The following PSMD5 variants were observed in gnomAD, a reference collection of about 807,000 sequenced individuals.
PSMD5 encodes proteasome 26S subunit, non-ATPase 5, also known as 26S proteasome non-ATPase regulatory subunit 5.
PSMD5 carries 40 observed loss-of-function variants against 52.1 expected under a neutral mutation model. That is an observed-to-expected ratio of 0.77 (90% CI 0.60 to 1.00). PSMD5 has a LOEUF of 1.00. PSMD5 is among the 50% of genes least tolerant of loss of function. PSMD5 has a pLI of 0.00. For synonymous variants in PSMD5, 211 were observed against 226.6 expected (o/e 0.93, Z 0.62); for missense variants, 575 against 605.2 (o/e 0.95, Z 0.52).
At chr9:120,831,211 T>C in intron 4 of PSMD5, 120 bp downstream of exon 4, 1 of 1,085,246 alleles carries the variant, frequency 9.2e-7, no homozygotes, top group African/African-American at 1.6e-5. Context: ...ATCCTTATAT[T>C]CCCAGCACCT....
In PSMD5 at chr9:120,817,889, A is replaced by G. The variant is rs200262628; in HGVS notation, c.*17T>C. The stretch of plus-strand genomic sequence containing the variant: ...TTTTGGTCAAAACGTGGTCCTCTAC[A>G]TGAGCTCTAGAAGAAATCATTCGGC... On this transcript the variant is annotated 3_prime_UTR_variant, in exon 10 of 10. Transcript: ENST00000210313. 1.9e-6 allele frequency: 3 copies of G among 1,603,064 alleles called. No homozygotes were observed. Among genetic ancestry groups the G allele is most frequent in the African/African-American group, 2.7e-5 (2 of 74,592 alleles).
At chr9:120,820,086 G>T (rs1387878069) in intron 9 of PSMD5, among the ~76,000 whole-genome samples, 1 of 152,038 alleles carries the variant, frequency 6.6e-6, no homozygotes, top group Non-Finnish European at 1.5e-5. Flanking sequence ...CTACTTAATA[G>T]GTAAGACAAG....
intron 7 of PSMD5, among the ~76,000 whole-genome samples, chr9:120,823,534 T>G (rs1230378366): frequency 8.4e-5 from 10 of 119,568 alleles, no homozygotes; most frequent in African/African-American, 3.2e-4. Context: ...TTTTTTGAGA[T>G]AGAATTTCAC....
intron 6 of PSMD5, among the ~76,000 whole-genome samples, chr9:120,825,993 C>CTTT (rs1194375987): frequency 5.3e-5 from 7 of 131,252 alleles, no homozygotes; most frequent in East Asian, 2.2e-4. Context: ...TTGTCCTGAT[C>CTTT]TTTTTTTTTT....
intron 3 of PSMD5, 81 bp downstream of exon 3, chr9:120,831,751 T>C: frequency 6.5e-7 from 1 of 1,531,890 alleles, no homozygotes; most frequent in Non-Finnish European, 8.7e-7. Flanking sequence ...AACCTTCACC[T>C]CTCAATTCAG....
At chr9:120,831,649 T>C in intron 3 of PSMD5, 183 bp downstream of exon 3, 4 of 1,107,044 alleles carry the variant, frequency 3.6e-6, no homozygotes, top group Non-Finnish European at 5.0e-6. Flanking sequence ...TCCTAGAAAA[T>C]GAAAGGGGTT....
intron 2 of PSMD5, 78 bp from the exon 3 acceptor site, chr9:120,832,023 G>C (rs2045164926): frequency 6.5e-7 from 1 of 1,532,520 alleles, no homozygotes; most frequent in African/African-American, 1.4e-5. Context: ...AATTTCCTTA[G>C]TGCACAGTTA....
intron 6 of PSMD5, chr9:120,824,912 C>T: frequency 2.5e-6 from 1 of 398,778 alleles, no homozygotes; most frequent in Admixed American, 4.1e-5. Context: ...TATTGAAGTA[C>T]TGGCATATGC....
chr9:120,835,126 G>A (rs1283015745), intron 1 of PSMD5, among the ~76,000 whole-genome samples: 1 of 152,112 alleles, frequency 6.6e-6, no homozygotes, highest in Non-Finnish European at 1.5e-5. Context: ...TGAACCTAAG[G>A]TAGTATTAAG....
In PSMD5 at chr9:120,816,240, G is replaced by A. The variant is rs1352939956; in HGVS notation, c.*1666C>T. 2.0e-5 allele frequency: 3 copies of A among 152,546 alleles called. No individual in the cohort carries two copies. The highest frequency in any genetic ancestry group is 2.1e-4 in the South Asian group (1 of 4,842). 9.4% of individuals were successfully genotyped at this position (152,546 alleles called of 1,614,324 possible). ...GGAAAAGAGGGAATAGACAGTTATT[G>A]TTTAATGAATACAGTTTCAATTGTA... On this transcript the variant is annotated 3_prime_UTR_variant, in exon 10 of 10. Coordinates refer to ENST00000210313, the MANE Select transcript of PSMD5 (RefSeq NM_005047.4).
At chr9:120,841,464 A>C (rs1253084862) in intron 1 of PSMD5, among the ~76,000 whole-genome samples, 1 of 152,140 alleles carries the variant, frequency 6.6e-6, no homozygotes, top group Non-Finnish European at 1.5e-5. Context: ...CTGTAGTCCC[A>C]GGTACTCGGC....
rs758051985 is a variant in PSMD5, at chr9:120,818,199, AG to A, written c.1258-37del. On this transcript the variant is annotated intron_variant, in intron 9 of 9. Transcript: ENST00000210313. Reference sequence around the variant, plus strand: ...AGGCAGAAAGAATACAATTCCCCTGAGTGGAAGTTGTTTGTTAATGGGATGG... The same window carrying A: ...AGGCAGAAAGAATACAATTCCCCTGATGGAAGTTGTTTGTTAATGGGATGG... The A allele has an allele frequency of 2.7e-5, 42 of 1,573,940 alleles. 2 individuals are homozygous for A. The South Asian group carries it at 4.7e-4, about 18-fold the overall frequency.
chr9:120,821,458 C>T lies in PSMD5; in HGVS notation c.1013G>A (p.Arg338His), dbSNP rs1263777778. Reference protein sequence around the residue: ...GKQVLQKTGTRFERLLMRIGH... With the variant: ...GKQVLQKTGTHFERLLMRIGH... ...TATTCTCATAAGCAAGCGTTCAAAG[C>T]GAGTTCCTTTGAAGGATAACAGTGA... Residue 338 changes from arginine to histidine, a missense_variant, in exon 8 of 10, where the codon CGC (arginine) becomes CAC (histidine). By Grantham distance (29) the Arg-to-His change is conservative (BLOSUM62 0). Coordinates refer to ENST00000210313, the MANE Select transcript of PSMD5 (RefSeq NM_005047.4). 6.3e-6 allele frequency: 10 copies of T among 1,583,614 alleles called. No homozygotes were observed. In the East Asian group the frequency reaches 6.7e-5, roughly 11 times the overall value.
intron 7 of PSMD5, among the ~76,000 whole-genome samples, chr9:120,822,378 C>G (rs934668866): frequency 6.6e-6 from 1 of 152,138 alleles, no homozygotes; most frequent in Non-Finnish European, 1.5e-5. Flanking sequence ...ATTTTCTTAA[C>G]TCCTCTAAGT....
rs1316157664 is a variant in PSMD5, at chr9:120,817,803, T to C, written c.*103A>G. On this transcript the variant is annotated 3_prime_UTR_variant, in exon 10 of 10. Transcript: ENST00000210313. ...AGTAACATCTGACATTCCATGATAA[T>C]TCTTGGGGAAAGGAAGTCTCTTTTG... 1 of 1,266,960 alleles carries C rather than the reference T, an allele frequency of 7.9e-7. No individual in the cohort carries two copies. Among genetic ancestry groups the C allele is most frequent in the Non-Finnish European group, 1.1e-6 (1 of 911,452 alleles). 78.5% of individuals were successfully genotyped at this position (1,266,960 alleles called of 1,614,324 possible). A position where few individuals can be genotyped will look rare whatever the true frequency, so the allele number is the denominator to read the frequency against.
At chr9:120,818,568 G>A (rs2045061308) in intron 9 of PSMD5, among the ~76,000 whole-genome samples, 1 of 151,834 alleles carries the variant, frequency 6.6e-6, no homozygotes. Context: ...AAGTAGAAAA[G>A]ACTAACCTCA....
At chr9:120,841,612 AAC>A (rs780515816) in intron 1 of PSMD5, among the ~76,000 whole-genome samples, 9 of 151,898 alleles carry the variant, frequency 5.9e-5, no homozygotes, top group Non-Finnish European at 8.8e-5. Flanking sequence ...AACAAAACAA[AAC>A]ACAGAGATCT....
At chr9:120,831,790 G>C in intron 3 of PSMD5, 42 bp downstream of exon 3, 1 of 1,580,314 alleles carries the variant, frequency 6.3e-7, no homozygotes, top group African/African-American at 1.4e-5. Context: ...TTGGGACACC[G>C]ATGTCTCTGC....
intron 5 of PSMD5, 110 bp downstream of exon 5, chr9:120,828,989 G>A: frequency 1.5e-6 from 2 of 1,332,368 alleles, no homozygotes; most frequent in Non-Finnish European, 9.7e-7. Context: ...CATCAGTCAT[G>A]AGATTGCAAC....
Sources: gnomAD v4.1 joint callset for allele counts (sites outside exome capture counted in the v4.1 genomes callset) on GRCh38, gnomAD v4.1.1 for gene constraint, MANE v1.5 for transcripts, NCBI Gene and HGNC (gene_info 2026-07-23, HGNC 2026-07-21) for gene names.